Variants in OPRM1 observed in about 807,000 individuals in gnomAD.
OPRM1 encodes the protein mu-type opioid receptor.
OPRM1 carries 27 observed loss-of-function variants against 31.8 expected under a neutral mutation model. The observed-to-expected ratio is 0.85, with a 90% CI of 0.63 to 1.17. The LOEUF is 1.17. Among genes scored for constraint, OPRM1 ranks in the 50% most tolerant of loss-of-function variants. The probability of loss-of-function intolerance (pLI) is 0.00; values close to 1 mark genes in which losing one functional copy is unlikely to be tolerated. For synonymous variants in OPRM1, 196 were observed against 189.9 expected (o/e 1.03, Z -0.26); for missense variants, 536 against 511.1 (o/e 1.05, Z -0.47).
chr6:154,021,794 A>C (rs377013681), intron 1 of OPRM1, among the ~76,000 whole-genome samples: 2 of 152,250 alleles, frequency 1.3e-5, no homozygotes, highest in Admixed American at 6.5e-5. Flanking sequence ...TTTGTATATC[A>C]ACCATTTTTG....
chr6:154,073,861 G>C (rs772475404), intron 1 of OPRM1: 3 of 152,158 alleles, frequency 2.0e-5, no homozygotes, highest in Non-Finnish European at 4.4e-5. Flanking sequence ...AAATTAGCCA[G>C]TGTGGTGGTG....
chr6:154,110,129 A>G (rs897454995), intron 3 of OPRM1, among the ~76,000 whole-genome samples: 1 of 152,176 alleles, frequency 6.6e-6, no homozygotes, highest in African/African-American at 2.4e-5. Context: ...TAAATACTTC[A>G]GTATACAAAA....
At chr6:154,222,939 G>A (rs1172845040) in intron 3 of OPRM1, 2 of 561,936 alleles carry the variant, frequency 3.6e-6, no homozygotes, top group East Asian at 3.1e-5. Flanking sequence ...AACAGTCCAT[G>A]CCAAGACTTC....
At chr6:154,118,595 C>A in intron 3 of OPRM1, 88 bp from the exon 4 acceptor site, 2 of 1,262,502 alleles carry the variant, frequency 1.6e-6, no homozygotes, top group Non-Finnish European at 1.1e-6. Context: ...GTCTTCAATG[C>A]AGTTCTTACG....
At chr6:154,147,537 A>G (rs12200296) in intron 3 of OPRM1, among the ~76,000 whole-genome samples, 26,902 of 152,128 alleles carry the variant, frequency 0.18, 3,460 homozygotes, top group East Asian at 0.41. Flanking sequence ...TGCTTCACTG[A>G]GCGAGTTATA....
Position 154,128,585 on chromosome 6 carries a change from G to T in OPRM1, c.*9864G>T, listed in dbSNP as rs1348924966. On this transcript the variant is annotated 3_prime_UTR_variant, in exon 4 of 4. Transcript: ENST00000330432. ...TTCTTTTTTTTCTCATAATAAGTTT[G>T]AAACTCACAGTAGGAAATTGAGAGA... Among the ~76,000 whole-genome samples the T allele has an allele frequency of 3.9e-5, 6 of 152,062 alleles. No individual in the cohort carries two copies. The highest frequency in any genetic ancestry group is 3.9e-4 in the Admixed American group (6 of 15,272).
chr6:154,214,230 T>C (rs41292902), intron 3 of OPRM1: 1 of 1,605,632 alleles, frequency 6.2e-7, no homozygotes, highest in Non-Finnish European at 8.5e-7. Flanking sequence ...TCATCCTTTG[T>C]AGTGGATTCC....
rs953075517 is a variant in OPRM1, at chr6:154,130,294, G to A, written c.*11573G>A. ...CACCATTCTCCTGCTTCAGCCTCCT[G>A]AGTAGCTGGGACTACAGGTGCCCGC... is the stretch of plus-strand genomic sequence containing the variant. On this transcript the variant is annotated 3_prime_UTR_variant, in exon 4 of 4. Transcript: ENST00000330432. Among the ~76,000 whole-genome samples the A allele has an allele frequency of 6.6e-6, 1 of 150,708 alleles. No individual in the cohort carries two copies. Among genetic ancestry groups the A allele is most frequent in the African/African-American group, 2.4e-5 (1 of 40,924 alleles).
intron 3 of OPRM1, among the ~76,000 whole-genome samples, chr6:154,189,403 G>T (rs982516987): frequency 6.6e-6 from 1 of 152,116 alleles, no homozygotes; most frequent in African/African-American, 2.4e-5. Context: ...AGAAATGCAG[G>T]CATATGTGGA....
chr6:154,085,301 A>G (rs1790266385), intron 1 of OPRM1, among the ~76,000 whole-genome samples: 1 of 152,240 alleles, frequency 6.6e-6, no homozygotes, highest in Non-Finnish European at 1.5e-5. Context: ...GGGCCTCACA[A>G]TGCCTTTTCC....
intron 3 of OPRM1, among the ~76,000 whole-genome samples, chr6:154,103,958 G>A (rs183197213): frequency 1.4e-4 from 22 of 152,300 alleles, no homozygotes; most frequent in Admixed American, 3.3e-4. Context: ...TAGGAATGCA[G>A]CCCAATAGGT....
chr6:154,132,173 T>G lies in OPRM1; in HGVS notation c.*13452T>G, dbSNP rs1235808201. Among the ~76,000 whole-genome samples, 2 of 152,212 alleles carry G rather than the reference T, an allele frequency of 1.3e-5. No individual in the cohort carries two copies. Among genetic ancestry groups the G allele is most frequent in the Non-Finnish European group, 2.9e-5 (2 of 68,028 alleles). ...ATCAAACAGTGAGCAATTCACTAAA[T>G]TATTTTTACATTACTCCTATTTGAC... On this transcript the variant is annotated 3_prime_UTR_variant, in exon 4 of 4. Transcript: ENST00000330432.
chr6:154,205,202 T>C (rs114970149), intron 3 of OPRM1, among the ~76,000 whole-genome samples: 1,930 of 152,342 alleles, frequency 0.013, 43 homozygotes, highest in African/African-American at 0.044. Context: ...ATTACTGCAT[T>C]GTCCCTCTTC....
intron 3 of OPRM1, among the ~76,000 whole-genome samples, chr6:154,116,864 T>G (rs1183254848): frequency 6.6e-6 from 1 of 152,142 alleles, no homozygotes; most frequent in Non-Finnish European, 1.5e-5. Context: ...ACCCCTGGAC[T>G]TCTTTCCTTT....
chr6:154,084,917 A>ACACAC (rs1790150466), intron 1 of OPRM1, among the ~76,000 whole-genome samples: 7 of 146,398 alleles, frequency 4.8e-5, no homozygotes, highest in Non-Finnish European at 9.1e-5. Flanking sequence ...TGTGGAATTA[A>ACACAC]ACACACACAC....
At chr6:154,227,089 T>C (rs902314308) in intron 3 of OPRM1, among the ~76,000 whole-genome samples, 1 of 151,846 alleles carries the variant, frequency 6.6e-6, no homozygotes, top group African/African-American at 2.4e-5. Flanking sequence ...TCCCAGCTAC[T>C]TGGGAGGCTG....
intron 3 of OPRM1, among the ~76,000 whole-genome samples, chr6:154,236,635 T>C (rs1780157759): frequency 1.3e-5 from 2 of 152,204 alleles, no homozygotes; most frequent in Non-Finnish European, 2.9e-5. Flanking sequence ...CCAAGGTAAG[T>C]TTTACAAGAT....
chr6:154,114,762 T>C (rs571922418), intron 3 of OPRM1, among the ~76,000 whole-genome samples: 1 of 152,208 alleles, frequency 6.6e-6, no homozygotes, highest in African/African-American at 2.4e-5. Flanking sequence ...TAGTTTTTTT[T>C]TTCACTGACC....
chr6:154,155,876 T>G (rs934735143), intron 3 of OPRM1: 2 of 152,260 alleles, frequency 1.3e-5, no homozygotes, highest in Non-Finnish European at 2.9e-5. Context: ...TCAAAAGACT[T>G]AAAAATATTT....
Sources: allele counts gnomAD v4.1 joint callset (sites outside exome capture counted in the v4.1 genomes callset), GRCh38; gene constraint gnomAD v4.1.1; transcripts MANE v1.5; gene names NCBI Gene and HGNC (gene_info 2026-07-23, HGNC 2026-07-21).